SIPA1L2: variants seen among roughly 807,000 people sequenced by gnomAD.
SIPA1L2 encodes the protein signal-induced proliferation-associated 1-like protein 2.
A neutral mutation model predicts 163.9 loss-of-function variants in SIPA1L2; 56 were observed. That is an observed-to-expected ratio of 0.34 (90% CI 0.28 to 0.43). The LOEUF is 0.43. Ranked by LOEUF, SIPA1L2 falls within the 20% of genes least tolerant of loss-of-function variation. The pLI, the probability that SIPA1L2 is intolerant of heterozygous loss-of-function variation, is 1.00. For missense variants in SIPA1L2, 1,974 were observed against 2,193.5 expected, an observed-to-expected ratio of 0.90 and a Z score of 2.00; for synonymous variants, 877 against 865.7, an observed-to-expected ratio of 1.01 and a Z score of -0.23.
chr1:232,569,533 C>T (rs1659596945), intron 2 of SIPA1L2, among the ~76,000 whole-genome samples: 1 of 152,212 alleles, frequency 6.6e-6, no homozygotes, highest in Admixed American at 6.5e-5. Flanking sequence ...TCGATGAAGG[C>T]CAGGCATGGT....
At chr1:232,510,685 T>C (rs771493254) in intron 3 of SIPA1L2, among the ~76,000 whole-genome samples, 6 of 152,086 alleles carry the variant, frequency 3.9e-5, no homozygotes, top group Non-Finnish European at 8.8e-5. Flanking sequence ...AAACTACAAG[T>C]AGCAGTCAAG....
chr1:232,620,779 A>G (rs1273168366), intron 1 of SIPA1L2, among the ~76,000 whole-genome samples: 1 of 152,258 alleles, frequency 6.6e-6, no homozygotes, highest in Non-Finnish European at 1.5e-5. Flanking sequence ...TTTGGAACAG[A>G]GCCAGCTAAG....
In SIPA1L2 at chr1:232,580,252, A is replaced by G. The variant is rs542771683; in HGVS notation, c.-318-6030T>C. On this transcript the variant is annotated intron_variant, in intron 1 of 22. Coordinates refer to ENST00000674635, the MANE Select transcript of SIPA1L2 (RefSeq NM_020808.5). The stretch of plus-strand genomic sequence containing the variant: ...GGTGGGAGTGTCTTTTAGCATGCTG[A>G]TGCATTATAATTAGCATATAATGAG... 1.5e-3 allele frequency among the ~76,000 whole-genome samples: 229 copies of G among 152,238 alleles called. 1 individual carries two copies. The highest frequency in any genetic ancestry group is 5.2e-3 in the African/African-American group (216 of 41,534).
chr1:232,445,363 C>T (rs966211511), intron 11 of SIPA1L2, among the ~76,000 whole-genome samples, 166 bp downstream of exon 11: 2 of 152,032 alleles, frequency 1.3e-5, no homozygotes, highest in East Asian at 3.9e-4. Flanking sequence ...GGAGAGTGCC[C>T]GACCCCAGGC....
At chr1:232,451,136 T>C (rs1188811146) in intron 10 of SIPA1L2, among the ~76,000 whole-genome samples, 1 of 152,196 alleles carries the variant, frequency 6.6e-6, no homozygotes, top group Non-Finnish European at 1.5e-5. Context: ...GGTGCCAAAT[T>C]AGTACTACTG....
At chr1:232,440,960 C>A (rs891711446) in intron 14 of SIPA1L2, among the ~76,000 whole-genome samples, 1 of 152,180 alleles carries the variant, frequency 6.6e-6, no homozygotes, top group Non-Finnish European at 1.5e-5. Flanking sequence ...CCACACACAC[C>A]GATTAGCAGT....
intron 1 of SIPA1L2, among the ~76,000 whole-genome samples, chr1:232,622,434 G>A (rs187284206): frequency 2.0e-5 from 3 of 152,266 alleles, no homozygotes; most frequent in Non-Finnish European, 4.4e-5. Flanking sequence ...AGAGCTAAAG[G>A]ACTACAGACA....
At chr1:232,553,030 T>G (rs143085381) in intron 2 of SIPA1L2, among the ~76,000 whole-genome samples, 40 of 152,290 alleles carry the variant, frequency 2.6e-4, no homozygotes, top group Non-Finnish European at 3.8e-4. Flanking sequence ...GTTAACCAGC[T>G]CAGTGCCCTC....
At chr1:232,431,164 A>C (rs1662215144) in intron 16 of SIPA1L2, among the ~76,000 whole-genome samples, 1 of 152,240 alleles carries the variant, frequency 6.6e-6, no homozygotes, top group East Asian at 1.9e-4. Flanking sequence ...CACAGAACTT[A>C]AAAAAGGCTT....
At chr1:232,489,998 C>T (rs1665844922) in intron 5 of SIPA1L2, among the ~76,000 whole-genome samples, 2 of 152,142 alleles carry the variant, frequency 1.3e-5, no homozygotes, top group East Asian at 1.9e-4. Flanking sequence ...TCTCTATCTT[C>T]GGCGGCCTGT....
At chr1:232,448,211 T>C (rs1663329609) in intron 10 of SIPA1L2, among the ~76,000 whole-genome samples, 1 of 152,202 alleles carries the variant, frequency 6.6e-6, no homozygotes, top group Admixed American at 6.5e-5. Context: ...GTGCAAGGCG[T>C]ACTCTTAACT....
chr1:232,594,766 C>G (rs1219588857), intron 1 of SIPA1L2, among the ~76,000 whole-genome samples: 1 of 152,092 alleles, frequency 6.6e-6, no homozygotes, highest in East Asian at 1.9e-4. Flanking sequence ...TAGATCTAAT[C>G]AGAACCTCCC....
Position 232,578,551 on chromosome 1 carries a change from C to T in SIPA1L2, c.-318-4329G>A, listed in dbSNP as rs115896474. Among the ~76,000 whole-genome samples, 641 of 152,166 alleles carry T rather than the reference C, an allele frequency of 4.2e-3. 1 individual carries two copies. Among genetic ancestry groups the T allele is most frequent in the African/African-American group, 0.015 (607 of 41,498 alleles). ...CTACTCTCATCTATATTCTTTATGC[C>T]GATACGTTATGAAGTCCTCAACTTG... On this transcript the variant is annotated intron_variant, in intron 1 of 22. Coordinates refer to ENST00000674635, the MANE Select transcript of SIPA1L2 (RefSeq NM_020808.5).
chr1:232,585,236 T>G (rs889230089), intron 1 of SIPA1L2, among the ~76,000 whole-genome samples: 3 of 152,186 alleles, frequency 2.0e-5, no homozygotes, highest in African/African-American at 7.2e-5. Context: ...CTATCAATTT[T>G]CTCAGCAGCA....
chr1:232,474,074 TG>T (rs1219172589), intron 7 of SIPA1L2, among the ~76,000 whole-genome samples: 1 of 152,196 alleles, frequency 6.6e-6, no homozygotes, highest in Non-Finnish European at 1.5e-5. Context: ...AATCAGAGTC[TG>T]TGAATGGGGA....
intron 3 of SIPA1L2, among the ~76,000 whole-genome samples, chr1:232,511,196 G>C (rs979072735): frequency 1.7e-4 from 26 of 152,136 alleles, no homozygotes; most frequent in Admixed American, 5.2e-4. Flanking sequence ...CAAAAAAGCA[G>C]GTCCAGGATT....
At chr1:232,442,951 A>G (rs894552655) in intron 12 of SIPA1L2, among the ~76,000 whole-genome samples, 4 of 152,196 alleles carry the variant, frequency 2.6e-5, no homozygotes, top group Non-Finnish European at 5.9e-5. Context: ...CTCAGAGTGG[A>G]GTCCTTCCCA....
chr1:232,604,677 G>A (rs1314353629), intron 1 of SIPA1L2, among the ~76,000 whole-genome samples: 1 of 152,174 alleles, frequency 6.6e-6, no homozygotes, highest in African/African-American at 2.4e-5. Flanking sequence ...AATCACCAAT[G>A]TTGGAGGTGA....
intron 1 of SIPA1L2, among the ~76,000 whole-genome samples, chr1:232,604,745 C>T (rs1661800213): frequency 6.6e-6 from 1 of 152,142 alleles, no homozygotes; most frequent in African/African-American, 2.4e-5. Flanking sequence ...GCACCAGCCT[C>T]CTAGTACTAT....
Sources: allele counts gnomAD v4.1 joint callset (sites outside exome capture counted in the v4.1 genomes callset), GRCh38; gene constraint gnomAD v4.1.1; transcripts MANE v1.5; gene names NCBI Gene and HGNC (gene_info 2026-07-23, HGNC 2026-07-21).